Variants in LRIG1 observed in about 807,000 individuals in gnomAD.
LRIG1 encodes the protein leucine rich repeats and immunoglobulin like domains 1.
Under a neutral mutation model 99.2 loss-of-function variants are expected in LRIG1, and 48 were observed. That is an observed-to-expected ratio of 0.48 (90% CI 0.38 to 0.62). The LOEUF (loss-of-function observed/expected upper bound fraction) is 0.62, where lower values mean the gene tolerates loss of function less well. Among genes scored for constraint, LRIG1 ranks in the 20% least tolerant of loss-of-function variants. LRIG1 has a pLI of 0.00. For synonymous variants in LRIG1, 772 were observed against 596.1 expected (o/e 1.29, Z -4.30); for missense variants, 1,646 against 1,434.4 (o/e 1.15, Z -2.38).
At chr3:66,495,516 TG>T (rs1388261627) in intron 1 of LRIG1, among the ~76,000 whole-genome samples, 2 of 152,270 alleles carry the variant, frequency 1.3e-5, no homozygotes, top group African/African-American at 4.8e-5. Flanking sequence ...CTTCTACCTA[TG>T]GGGTAGGTCA....
At chr3:66,410,545 G>C (rs1420741203) in intron 6 of LRIG1, among the ~76,000 whole-genome samples, 1 of 152,230 alleles carries the variant, frequency 6.6e-6, no homozygotes, top group East Asian at 1.9e-4. Context: ...TTTTGGCTGA[G>C]TAAAAGTGAA....
At chr3:66,448,392 T>C (rs1315198855) in intron 3 of LRIG1, among the ~76,000 whole-genome samples, 1 of 152,114 alleles carries the variant, frequency 6.6e-6, no homozygotes, top group Non-Finnish European at 1.5e-5. Context: ...TAATTATAGG[T>C]GTCCAAGCTG....
rs373662134 is a variant in LRIG1 at position 66,380,439 on chromosome 3, G to A, written c.3106C>T (p.Leu1036=). 22 of 1,614,078 alleles carry A rather than the reference G, an allele frequency of 1.4e-5. No individual in the cohort carries two copies. Among genetic ancestry groups the A allele is most frequent in the African/African-American group, 2.7e-5 (2 of 74,912 alleles). ...GAAGTTAATGAAGATGCAGGCTGTA[G>A]CTCTGTGGAGTCCGGGTGATACAAC... The part of the protein sequence containing the change: ...ARLYHPDSTE[L]QPASSLTSGS... The change falls in exon 19 of 19, where the codon CTA becomes TTA. Residue 1036 remains leucine, a synonymous_variant. Coordinates refer to ENST00000273261, the MANE Select transcript of LRIG1 (RefSeq NM_015541.3).
At chr3:66,428,409 A>G (rs1703050676) in intron 3 of LRIG1, among the ~76,000 whole-genome samples, 1 of 152,214 alleles carries the variant, frequency 6.6e-6, no homozygotes, top group Non-Finnish European at 1.5e-5. Flanking sequence ...GAACATGGCC[A>G]AGCTCAATCT....
At chr3:66,388,818 G>C (rs1158170758) in intron 12 of LRIG1, among the ~76,000 whole-genome samples, 1 of 152,072 alleles carries the variant, frequency 6.6e-6, no homozygotes, top group African/African-American at 2.4e-5. Flanking sequence ...CACACACAGA[G>C]CAAGTTGACT....
intron 3 of LRIG1, among the ~76,000 whole-genome samples, chr3:66,427,698 T>C (rs747594312): frequency 9.9e-5 from 15 of 152,226 alleles, no homozygotes; most frequent in Non-Finnish European, 1.8e-4. Flanking sequence ...ATGCTGGCAG[T>C]TGTTTTGTTT....
At chr3:66,453,456 A>G (rs1002664682) in intron 2 of LRIG1, among the ~76,000 whole-genome samples, 1 of 152,242 alleles carries the variant, frequency 6.6e-6, no homozygotes, top group Non-Finnish European at 1.5e-5. Flanking sequence ...CAAGGTCACC[A>G]GCAATAAGTT....
rs1440280989 is a variant in LRIG1, at chr3:66,500,075, C to A, written c.218+115G>T. 7.8e-6 allele frequency: 6 copies of A among 770,402 alleles called. No homozygotes were observed. In the East Asian group the frequency reaches 1.7e-4, roughly 21 times the overall value. 47.7% of individuals were successfully genotyped at this position (770,402 alleles called of 1,614,324 possible). ...GTCTTCCAACACGCACAAGCACGCACAACTCCACACACACAACCCAGTCCG... is the reference window on the plus strand; with the variant it reads ...GTCTTCCAACACGCACAAGCACGCAAAACTCCACACACACAACCCAGTCCG... On this transcript the variant is annotated intron_variant, in intron 1 of 18. Transcript: ENST00000273261.
chr3:66,458,190 G>A (rs1276173424), intron 2 of LRIG1, among the ~76,000 whole-genome samples: 3 of 152,048 alleles, frequency 2.0e-5, no homozygotes, highest in Non-Finnish European at 4.4e-5. Flanking sequence ...AACATGGCAC[G>A]CTGAAGCCTC....
At chr3:66,429,645 A>G (rs1254371881) in intron 3 of LRIG1, among the ~76,000 whole-genome samples, 3 of 152,202 alleles carry the variant, frequency 2.0e-5, no homozygotes, top group African/African-American at 7.2e-5. Context: ...TGGTGGGCAC[A>G]TGTGATTATA....
In LRIG1 at chr3:66,380,698, G is replaced by GTGA; in HGVS notation, c.2931_2933dup (p.His978dup). The GTGA allele has an allele frequency of 2.5e-6, 4 of 1,614,214 alleles. No homozygotes were observed. The highest frequency in any genetic ancestry group is 3.4e-6 in the Non-Finnish European group (4 of 1,180,036). ...ACCCAGCGGCAGTCCTGCTGCACTG[G>GTGA]TGATGTGGAGAATGCTCTTGGTCAC... On this transcript the variant is annotated inframe_insertion, in exon 18 of 19. Transcript: ENST00000273261.
chr3:66,387,284 C>T (rs933153209), intron 12 of LRIG1: 5 of 152,020 alleles, frequency 3.3e-5, no homozygotes, highest in African/African-American at 9.7e-5. Flanking sequence ...TAGACAGCCA[C>T]ATGCAGGTGC....
intron 2 of LRIG1, among the ~76,000 whole-genome samples, chr3:66,453,995 T>C (rs996971212): frequency 1.3e-5 from 2 of 152,066 alleles, no homozygotes; most frequent in Non-Finnish European, 2.9e-5. Flanking sequence ...AAGTGGAGCA[T>C]AGAGGGGTGG....
At position 66,440,602 on chromosome 3, in the gene LRIG1, G is replaced by A. The variant is rs897164198; in HGVS notation, c.365+10957C>T. ...TCTCCAATACCAGGCGGCCTCCAGG[G>A]TTCAGTGTAGACAGCAGCAATGCCC... On this transcript the variant is annotated intron_variant, in intron 3 of 18. Coordinates refer to ENST00000273261, the MANE Select transcript of LRIG1 (RefSeq NM_015541.3). Among the ~76,000 whole-genome samples, 43 of 152,104 alleles carry A rather than the reference G, an allele frequency of 2.8e-4. 1 individual carries two copies. The highest frequency in any genetic ancestry group is 9.7e-4 in the African/African-American group (40 of 41,408).
chr3:66,425,064 A>C (rs1702935174), intron 3 of LRIG1, among the ~76,000 whole-genome samples: 1 of 152,238 alleles, frequency 6.6e-6, no homozygotes, highest in Admixed American at 6.5e-5. Flanking sequence ...GTTGAGAAGC[A>C]TCTATACTTA....
intron 9 of LRIG1, among the ~76,000 whole-genome samples, chr3:66,404,766 C>T (rs1451750689): frequency 6.6e-6 from 1 of 152,122 alleles, no homozygotes; most frequent in Non-Finnish European, 1.5e-5. Flanking sequence ...TTGGAAATGA[C>T]GTGGTTATTT....
chr3:66,389,782 G>A (rs1186623905), intron 12 of LRIG1, among the ~76,000 whole-genome samples: 1 of 152,076 alleles, frequency 6.6e-6, no homozygotes, highest in Non-Finnish European at 1.5e-5. Context: ...GGAAACAGAA[G>A]ACTTCAACAA....
chr3:66,442,448 GGGAGGAGGA>G (rs138317719), intron 3 of LRIG1, among the ~76,000 whole-genome samples: 5 of 151,664 alleles, frequency 3.3e-5, no homozygotes, highest in South Asian at 2.1e-4. Context: ...AGTGAGGAGG[GGGAGGAGGA>G]GGAGGAGGAG....
At chr3:66,475,317 G>A (rs541012861) in intron 1 of LRIG1, among the ~76,000 whole-genome samples, 13 of 152,234 alleles carry the variant, frequency 8.5e-5, no homozygotes, top group African/African-American at 2.9e-4. Context: ...AATGACTTGC[G>A]TCTGCATACT....
Sources: gnomAD v4.1 joint callset for allele counts (sites outside exome capture counted in the v4.1 genomes callset) on GRCh38, gnomAD v4.1.1 for gene constraint, MANE v1.5 for transcripts, NCBI Gene and HGNC (gene_info 2026-07-23, HGNC 2026-07-21) for gene names.